The following CBR3 variants were observed in gnomAD, a reference collection of about 807,000 sequenced individuals.
CBR3 encodes carbonyl reductase 3.
A neutral mutation model predicts 11.6 loss-of-function variants in CBR3; 14 were observed. The observed-to-expected ratio is 1.20, with a 90% CI of 0.79 to 1.88. The LOEUF is 1.88. Ranked by LOEUF, CBR3 falls within the 40% of genes most tolerant of loss-of-function variation. The pLI is 0.00. For missense variants in CBR3, 308 were observed against 357.3 expected (o/e 0.86, Z 1.11); for synonymous variants, 125 against 145.6 (o/e 0.86, Z 1.02).
At chr21:36,137,027 C>CAAAAAAAAAA (rs58754125) in intron 1 of CBR3, 3 of 98,160 alleles carry the variant, frequency 3.1e-5, no homozygotes, top group African/African-American at 1.3e-4. Context: ...GACTCTGCCT[C>CAAAAAAAAAA]AAAAAAAAAA....
chr21:36,142,445 A>AAAAAAAAAAAAAAAAAAAC, intron 2 of CBR3, among the ~76,000 whole-genome samples: 1 of 148,828 alleles, frequency 6.7e-6, no homozygotes, highest in African/African-American at 2.5e-5. Context: ...AAAAAAAAAA[A>AAAAAAAAAAAAAAAAAAAC]AAACGCAATC....
rs201761603 is a variant in CBR3, at chr21:36,146,380, C to T, written c.702C>T (p.Asp234=). The T allele has an allele frequency of 1.9e-6, 3 of 1,614,136 alleles. No individual in the cohort carries two copies. The Admixed American group carries it at 5.0e-5, about 27-fold the overall frequency. Residue 234 remains aspartate (D), a synonymous_variant, in exon 3 of 3, where the codon GAC becomes GAT. Coordinates refer to ENST00000290354, the MANE Select transcript of CBR3 (RefSeq NM_001236.4). ...NACCPGPVKT[D]MDGKDSIRTV... ...GCTGCCCAGGACCAGTGAAGACAGA[C>T]ATGGATGGGAAAGACAGCATCAGGA...
chr21:36,146,435 T>A lies in CBR3; in HGVS notation c.757T>A (p.Tyr253Asn), dbSNP rs1436319009. The A allele has an allele frequency of 6.2e-7, 1 of 1,614,176 alleles. No individual in the cohort carries two copies. Among genetic ancestry groups the A allele is most frequent in the Non-Finnish European group, 8.5e-7 (1 of 1,180,012 alleles). ...TVEEGAETPV[Y>N]LALLPPDATE... ...GGAGGAGGGGGCTGAGACCCCTGTC[T>A]ACTTGGCCCTCTTGCCTCCAGATGC... is the stretch of plus-strand genomic sequence containing the variant. Residue 253 changes from tyrosine to asparagine, a missense_variant, in exon 3 of 3, where the codon TAC becomes AAC. By Grantham distance (143) the Tyr-to-Asn change is moderately radical (BLOSUM62 -2). Transcript: ENST00000290354.
rs766045328 is a variant in CBR3, at chr21:36,146,273, T to C, written c.595T>C (p.Leu199=). ...CAACTCACCTTATGGGGTGTCCAAG[T>C]TGGGGGTCACGGTCTTATCGAGGAT... is the stretch of plus-strand genomic sequence containing the variant. ...WPNSPYGVSK[L]GVTVLSRILA... The change falls in exon 3 of 3, where the codon TTG becomes CTG. Residue 199 remains leucine, a synonymous_variant. Transcript: ENST00000290354. 8 of 1,613,934 alleles carry C rather than the reference T, an allele frequency of 5.0e-6. No individual in the cohort carries two copies. Among genetic ancestry groups the C allele is most frequent in the Non-Finnish European group, 6.8e-6 (8 of 1,180,012 alleles).
intron 2 of CBR3, among the ~76,000 whole-genome samples, chr21:36,139,924 G>A (rs558616119): frequency 8.2e-5 from 9 of 109,206 alleles, no homozygotes; most frequent in East Asian, 3.2e-4. Context: ...GTCTCCCTCC[G>A]TCGCCCAGAC....
intron 2 of CBR3, among the ~76,000 whole-genome samples, chr21:36,142,439 A>AAAAAAAACAAACAAACAAAC (rs57971171): frequency 0.027 from 4,030 of 147,730 alleles, 347 homozygotes; most frequent in African/African-American, 0.077. Flanking sequence ...CTCAAAAAAA[A>AAAAAAAACAAACAAACAAAC]AAAAAAAAAC....
intron 2 of CBR3, among the ~76,000 whole-genome samples, chr21:36,143,987 G>A (rs1248369052): frequency 6.6e-6 from 1 of 152,122 alleles, no homozygotes; most frequent in Admixed American, 6.6e-5. Context: ...CATCCCCAGG[G>A]ATTCCTTACT....
chr21:36,142,431 C>CAAAAAAAAAAAAAAAAAAAAAAA (rs71326645), intron 2 of CBR3, among the ~76,000 whole-genome samples: 6 of 40,412 alleles, frequency 1.5e-4, no homozygotes, highest in Admixed American at 3.9e-4. Context: ...GACTCCATCT[C>CAAAAAAAAAAAAAAAAAAAAAAA]AAAAAAAAAA....
rs555844543 is a variant in CBR3 at position 36,143,230 on chromosome 21, G to A, written c.398-2846G>A. 9.2e-5 allele frequency among the ~76,000 whole-genome samples: 14 copies of A among 151,862 alleles called. No homozygotes were observed. In the South Asian group the frequency reaches 1.7e-3, roughly 18 times the overall value. On this transcript the variant is annotated intron_variant, in intron 2 of 2. Coordinates refer to ENST00000290354, the MANE Select transcript of CBR3 (RefSeq NM_001236.4). The stretch of plus-strand genomic sequence containing the variant: ...TGAGGCAGGAGAATCACTTAAACCC[G>A]AGATAGAGGTTGCAGTGAGCTGAGA...
At chr21:36,138,739 C>CTTTTT (rs1328237057) in intron 2 of CBR3, 1 of 137,784 alleles carries the variant, frequency 7.3e-6, no homozygotes, top group Non-Finnish European at 1.6e-5. Context: ...CTTTTTTTTT[C>CTTTTT]TTTTCTTTTT....
Position 36,146,525 on chromosome 21 carries a change from G to T in CBR3, c.*13G>T. The T allele has an allele frequency of 6.4e-7, 1 of 1,567,540 alleles. No homozygotes were observed. The highest frequency in any genetic ancestry group is 1.2e-5 in the South Asian group (1 of 85,164). On this transcript the variant is annotated 3_prime_UTR_variant, in exon 3 of 3. Transcript: ENST00000290354. ...GCAAAACTGGTAAACGTCTGCTTCGGAGCTTGCTGCTTAATAAATGTTGGT... is the reference window on the plus strand; with the variant it reads ...GCAAAACTGGTAAACGTCTGCTTCGTAGCTTGCTGCTTAATAAATGTTGGT...
chr21:36,139,246 A>G (rs1291862530), intron 2 of CBR3, among the ~76,000 whole-genome samples: 1 of 152,210 alleles, frequency 6.6e-6, no homozygotes, highest in African/African-American at 2.4e-5. Flanking sequence ...GATATCCATT[A>G]GCAAAGAATC....
At position 36,135,177 on chromosome 21, in the gene CBR3, C is replaced by A; in HGVS notation, c.-16C>A. The A allele has an allele frequency of 1.4e-6, 2 of 1,435,296 alleles. No individual in the cohort carries two copies. The highest frequency in any genetic ancestry group is 1.8e-6 in the Non-Finnish European group (2 of 1,097,202). 88.9% of individuals were successfully genotyped at this position (1,435,296 alleles called of 1,614,324 possible). A position where few individuals can be genotyped will look rare whatever the true frequency, so the allele number is the denominator to read the frequency against. On this transcript the variant is annotated 5_prime_UTR_variant, in exon 1 of 3. Transcript: ENST00000290354. Reference sequence around the variant, plus strand: ...GTCCGCCCTCCACGCAGGTGCCCCGCGCTCCCCGCTCAGCCATGTCGTCCT... The same window carrying A: ...GTCCGCCCTCCACGCAGGTGCCCCGAGCTCCCCGCTCAGCCATGTCGTCCT...
chr21:36,145,952 C>A (rs1344471345), intron 2 of CBR3, 124 bp from the exon 3 acceptor site: 17 of 697,378 alleles, frequency 2.4e-5, no homozygotes, highest in South Asian at 6.0e-5. Flanking sequence ...CAGGGCGAGA[C>A]TCTGTCTCAA....
chr21:36,143,410 A>C (rs2065728892), intron 2 of CBR3, among the ~76,000 whole-genome samples: 1 of 152,202 alleles, frequency 6.6e-6, no homozygotes, highest in Non-Finnish European at 1.5e-5. Context: ...GAAATGTGTA[A>C]ATTAACACAT....
At chr21:36,137,509 AG>A (rs2065669676) in intron 1 of CBR3, 3 of 3,320 alleles carry the variant, frequency 9.0e-4, no homozygotes, top group Non-Finnish European at 1.9e-3. Flanking sequence ...AAAGAAAGGA[AG>A]GAAGGAAGGA....
chr21:36,135,125 G>C lies in CBR3; in HGVS notation c.-68G>C. On this transcript the variant is annotated 5_prime_UTR_variant, in exon 1 of 3. Coordinates refer to ENST00000290354, the MANE Select transcript of CBR3 (RefSeq NM_001236.4). ...CATTGACACTAGCTGGGCTCCTCGG[G>C]GCGCGCCCCAGGTGGTCCGAAGCCC... 7.2e-7 allele frequency: 1 copy of C among 1,385,410 alleles called. No homozygotes were observed. Among genetic ancestry groups the C allele is most frequent in the Admixed American group, 3.2e-5 (1 of 31,068 alleles). 85.8% of individuals were successfully genotyped at this position (1,385,410 alleles called of 1,614,324 possible).
chr21:36,136,538 G>T (rs968094313), intron 1 of CBR3, among the ~76,000 whole-genome samples: 4 of 152,110 alleles, frequency 2.6e-5, no homozygotes, highest in African/African-American at 9.7e-5. Flanking sequence ...GTGCAGGAGT[G>T]GGGATTAACA....
intron 2 of CBR3, 56 bp downstream of exon 2, chr21:36,137,988 G>A (rs1350016883): frequency 4.2e-6 from 4 of 941,310 alleles, no homozygotes; most frequent in Non-Finnish European, 7.1e-6. Context: ...GTGGGCTACA[G>A]GCTTCCCGGA....
Sources: gnomAD v4.1 joint callset for allele counts (sites outside exome capture counted in the v4.1 genomes callset) on GRCh38, gnomAD v4.1.1 for gene constraint, MANE v1.5 for transcripts, NCBI Gene and HGNC (gene_info 2026-07-23, HGNC 2026-07-21) for gene names.